The following NFATC2 variants were observed in gnomAD, a reference collection of about 807,000 sequenced individuals.
NFATC2 encodes nuclear factor of activated T-cells, cytoplasmic 2.
A neutral mutation model predicts 87.3 loss-of-function variants in NFATC2; 22 were observed. The ratio of observed to expected loss-of-function variants is 0.25; its 90% CI spans 0.18 to 0.36. The LOEUF (loss-of-function observed/expected upper bound fraction) is 0.36. Among genes scored for constraint, NFATC2 ranks in the 10% least tolerant of loss-of-function variants. The pLI is 1.00. For missense variants in NFATC2, 1,149 were observed against 1,259.1 expected (o/e 0.91, Z 1.32); for synonymous variants, 565 against 542.2 (o/e 1.04, Z -0.58).
At chr20:51,528,085 CAAAA>C (rs56201141) in intron 1 of NFATC2, among the ~76,000 whole-genome samples, 9 of 94,212 alleles carry the variant, frequency 9.6e-5, no homozygotes, top group Non-Finnish European at 1.1e-4. Flanking sequence ...GAACCTGTCC[CAAAA>C]AAAAAAAAAA....
rs10656009 is a variant in NFATC2, at chr20:51,561,324, T to TAA, written c.70+1234_70+1235dup. On this transcript the variant is annotated intron_variant, in intron 1 of 10. Coordinates refer to the NFATC2 transcript ENST00000414705. ...CCAAGGCATTTGGCTTCAATCTAGT[T>TAA]AAAAAAAAAAAAAAGAAAGAAAGAG... Among the ~76,000 whole-genome samples the TAA allele has an allele frequency of 1.5e-3, 55 of 36,898 alleles. 2 individuals carry two copies. Among genetic ancestry groups the TAA allele is most frequent in the Non-Finnish European group, 2.1e-3 (40 of 19,244 alleles). The allele number at this position is 36,898 out of a possible 152,430, so 24.2% of individuals were successfully genotyped here.
At chr20:51,492,163 A>G (rs1383613266) in intron 3 of NFATC2, among the ~76,000 whole-genome samples, 1 of 151,664 alleles carries the variant, frequency 6.6e-6, no homozygotes, top group Non-Finnish European at 1.5e-5. Flanking sequence ...CAGGAGGGAG[A>G]GCCTCATCTT....
At chr20:51,420,819 G>T (rs1980781921) in intron 9 of NFATC2, among the ~76,000 whole-genome samples, 1 of 152,076 alleles carries the variant, frequency 6.6e-6, no homozygotes, top group Non-Finnish European at 1.5e-5. Context: ...GTGTGCTAGT[G>T]GTCTTGTACT....
At chr20:51,494,954 G>A (rs570887397) in intron 3 of NFATC2, among the ~76,000 whole-genome samples, 106 of 152,236 alleles carry the variant, frequency 7.0e-4, no homozygotes, top group Middle Eastern at 3.4e-3. Flanking sequence ...ACTTGGAAAG[G>A]AGGTCAGCAC....
At chr20:51,483,149 CT>C (rs1448570632) in intron 3 of NFATC2, among the ~76,000 whole-genome samples, 1 of 151,934 alleles carries the variant, frequency 6.6e-6, no homozygotes, top group Non-Finnish European at 1.5e-5. Context: ...TGGTTCCCAA[CT>C]TTCCCCCATT....
intron 3 of NFATC2, among the ~76,000 whole-genome samples, chr20:51,515,173 C>T (rs1157562587): frequency 2.6e-5 from 4 of 152,188 alleles, no homozygotes; most frequent in Non-Finnish European, 4.4e-5. Flanking sequence ...GGGGGAAACC[C>T]TCAACTCTTT....
At chr20:51,397,847 T>C (rs1568924983) in intron 10 of NFATC2, among the ~76,000 whole-genome samples, 1 of 152,228 alleles carries the variant, frequency 6.6e-6, no homozygotes, top group South Asian at 2.1e-4. Flanking sequence ...TTATTCCGAT[T>C]AGAATATGGA....
At chr20:51,472,489 GA>G (rs920397231) in intron 5 of NFATC2, among the ~76,000 whole-genome samples, 2 of 150,812 alleles carry the variant, frequency 1.3e-5, no homozygotes, top group Non-Finnish European at 1.5e-5. Flanking sequence ...CAGCAAAAAG[GA>G]AAAAAAATCC....
chr20:51,398,377 C>G (rs1987535631), intron 10 of NFATC2, among the ~76,000 whole-genome samples: 1 of 152,158 alleles, frequency 6.6e-6, no homozygotes, highest in Non-Finnish European at 1.5e-5. Context: ...CTGCATTTTT[C>G]CACGCAGGCC....
intron 1 of NFATC2, among the ~76,000 whole-genome samples, chr20:51,528,658 T>A (rs548894000): frequency 6.6e-6 from 1 of 152,322 alleles, no homozygotes; most frequent in East Asian, 1.9e-4. Flanking sequence ...TCCTTTGATT[T>A]GTGTAATTGT....
intron 9 of NFATC2, among the ~76,000 whole-genome samples, chr20:51,404,772 C>T (rs922239628): frequency 6.6e-6 from 1 of 152,168 alleles, no homozygotes. Flanking sequence ...GGGGCCCCTC[C>T]CAGGCCTCAC....
At chr20:51,558,754 C>A (rs1250559722) in intron 1 of NFATC2, among the ~76,000 whole-genome samples, 1 of 152,140 alleles carries the variant, frequency 6.6e-6, no homozygotes, top group Non-Finnish European at 1.5e-5. Context: ...TGGTTTGTAT[C>A]TGGTTGTTAC....
intron 6 of NFATC2, 73 bp from the exon 7 acceptor site, chr20:51,435,834 A>G (rs1983484458): frequency 7.8e-7 from 1 of 1,275,142 alleles, no homozygotes; most frequent in Admixed American, 2.0e-5. Context: ...AAACTCACCA[A>G]CTTCTGTTTA....
chr20:51,478,941 T>C (rs1031075465), intron 3 of NFATC2, among the ~76,000 whole-genome samples: 1 of 152,218 alleles, frequency 6.6e-6, no homozygotes, highest in Non-Finnish European at 1.5e-5. Context: ...AGGTTTTTCC[T>C]GAACCAGATT....
At chr20:51,431,975 T>G (rs1600717161) in intron 9 of NFATC2, 92 bp downstream of exon 9, 2 of 1,338,062 alleles carry the variant, frequency 1.5e-6, no homozygotes, top group East Asian at 4.7e-5. Context: ...CCAAAGAGAT[T>G]ACGGAATCCG....
intron 1 of NFATC2, among the ~76,000 whole-genome samples, chr20:51,530,095 AG>A (rs2076608749): frequency 1.3e-5 from 2 of 152,208 alleles, no homozygotes; most frequent in African/African-American, 4.8e-5. Flanking sequence ...AGGGAAAGGG[AG>A]GAGCCAGTGT....
Position 51,533,862 on chromosome 20 carries a change from C to T in NFATC2, c.130+8508G>A, listed in dbSNP as rs569423527. On this transcript the variant is annotated intron_variant, in intron 1 of 10. Transcript: ENST00000371564. ...GGAGAAATGTATGGAATCTGCAACC[C>T]GCAGGCCTCAAGGTCACCTTTTAGA... Among the ~76,000 whole-genome samples, 331 of 152,294 alleles carry T rather than the reference C, an allele frequency of 2.2e-3. 7 individuals carry two copies. Among genetic ancestry groups the T allele is most frequent in the Admixed American group, 0.02 (309 of 15,308 alleles).
At chr20:51,545,590 AGATG>A (rs753507672), upstream of NFATC2, among the ~76,000 whole-genome samples, 1 of 152,032 alleles carries the variant, frequency 6.6e-6, no homozygotes, top group Non-Finnish European at 1.5e-5. Context: ...CATGGATGGA[AGATG>A]GATGGATGGA....
At chr20:51,474,854 T>C (rs2146514518) in intron 4 of NFATC2, among the ~76,000 whole-genome samples, 1 of 152,258 alleles carries the variant, frequency 6.6e-6, no homozygotes, top group South Asian at 2.1e-4. Flanking sequence ...TCTCTCTAGG[T>C]CAAATTAATT....
Sources: allele counts gnomAD v4.1 joint callset (sites outside exome capture counted in the v4.1 genomes callset), GRCh38; gene constraint gnomAD v4.1.1; transcripts MANE v1.5; gene names NCBI Gene and HGNC (gene_info 2026-07-23, HGNC 2026-07-21).